The following CCDC146 variants were observed in gnomAD, a reference collection of about 807,000 sequenced individuals.
CCDC146 encodes the protein coiled-coil domain containing 146.
A neutral mutation model predicts 119.3 loss-of-function variants in CCDC146; 92 were observed. The ratio of observed to expected loss-of-function variants is 0.77; its 90% CI spans 0.65 to 0.92. The LOEUF (loss-of-function observed/expected upper bound fraction) is 0.92, where lower values mean the gene tolerates loss of function less well. CCDC146 is among the 40% of genes least tolerant of loss of function. The probability of loss-of-function intolerance (pLI) is 0.00; values close to 1 mark genes in which losing one functional copy is unlikely to be tolerated. For missense variants in CCDC146, 1,000 were observed against 1,103.0 expected, an observed-to-expected ratio of 0.91 and a Z score of 1.32; for synonymous variants, 372 against 371.8, an observed-to-expected ratio of 1.00 and a Z score of -0.01.
intron 3 of CCDC146, among the ~76,000 whole-genome samples, chr7:77,239,281 A>G (rs3108408): frequency 0.56 from 85,624 of 152,092 alleles, 26,592 homozygotes; most frequent in Non-Finnish European, 0.7. Context: ...GAGACCAGAT[A>G]ACTTTAGATT....
chr7:77,280,873 G>T (rs1793750401), intron 14 of CCDC146, among the ~76,000 whole-genome samples: 1 of 152,274 alleles, frequency 6.6e-6, no homozygotes, highest in East Asian at 1.9e-4. Flanking sequence ...AGGCCAAGGT[G>T]GGTGGATCAC....
rs1375642760 is a variant in CCDC146 at position 77,294,973 on chromosome 7, A to G, written c.*107A>G. On this transcript the variant is annotated 3_prime_UTR_variant, in exon 19 of 19. Coordinates refer to ENST00000285871, the MANE Select transcript of CCDC146 (RefSeq NM_020879.3). ...ATACTTCTAATATTATTGATAAGTAAGGTAACCACAATTAGTCAGCAACAG... is the reference window on the plus strand; with the variant it reads ...ATACTTCTAATATTATTGATAAGTAGGGTAACCACAATTAGTCAGCAACAG... The G allele has an allele frequency of 4.6e-6, 4 of 862,390 alleles. No homozygotes were observed. In the East Asian group the frequency reaches 1.1e-4, roughly 23 times the overall value. The allele number at this position is 862,390 out of a possible 1,614,324, so 53.4% of individuals were successfully genotyped here.
chr7:77,199,006 G>C (rs1460614043), intron 2 of CCDC146: 1 of 613,194 alleles, frequency 1.6e-6, no homozygotes, highest in African/African-American at 1.9e-5. Context: ...TTTGTAATTA[G>C]GTCATATTTA....
At chr7:77,206,862 A>G (rs1051273384) in intron 2 of CCDC146, among the ~76,000 whole-genome samples, 2 of 151,998 alleles carry the variant, frequency 1.3e-5, no homozygotes, top group African/African-American at 4.8e-5. Flanking sequence ...TATTCATAAT[A>G]ATAGTGTTGC....
At chr7:77,178,429 T>C (rs1231541321) in intron 2 of CCDC146, among the ~76,000 whole-genome samples, 1 of 152,202 alleles carries the variant, frequency 6.6e-6, no homozygotes, top group East Asian at 1.9e-4. Context: ...ATCTACAATA[T>C]GCCAAACCCA....
intron 2 of CCDC146, among the ~76,000 whole-genome samples, chr7:77,185,041 G>A (rs1030751861): frequency 7.9e-5 from 12 of 151,900 alleles, no homozygotes; most frequent in African/African-American, 2.7e-4. Flanking sequence ...GCTGAAAATG[G>A]ATAATTATCT....
chr7:77,218,865 C>T (rs1198664738), intron 2 of CCDC146, among the ~76,000 whole-genome samples: 1 of 151,998 alleles, frequency 6.6e-6, no homozygotes, highest in Non-Finnish European at 1.5e-5. Context: ...AGCCACCATG[C>T]CTGGCCCCAA....
intron 1 of CCDC146, among the ~76,000 whole-genome samples, chr7:77,129,256 C>T (rs1386293726): frequency 6.6e-6 from 1 of 152,150 alleles, no homozygotes; most frequent in East Asian, 1.9e-4. Flanking sequence ...CCAATTGTCA[C>T]TCAGTAGCTT....
At chr7:77,131,714 T>C (rs1360623309) in intron 1 of CCDC146, among the ~76,000 whole-genome samples, 1 of 152,182 alleles carries the variant, frequency 6.6e-6, no homozygotes, top group African/African-American at 2.4e-5. Context: ...TGAGACTCCG[T>C]CTAAAAGAAA....
Position 77,196,523 on chromosome 7 carries a change from G to A in CCDC146, c.156+28699G>A, listed in dbSNP as rs993060186. On this transcript the variant is annotated intron_variant, in intron 2 of 18. Transcript: ENST00000285871. This position sits in a 1 kb window ranked among gnomAD's most constrained non-coding sequence, Gnocchi z 4.2. ...AGGATATCGATCATTGTCTTTATCTGGAGTGGTGAAAAACTTCAGATCGTG... is the reference window on the plus strand; with the variant it reads ...AGGATATCGATCATTGTCTTTATCTAGAGTGGTGAAAAACTTCAGATCGTG... The A allele has an allele frequency of 2.5e-6, 4 of 1,613,992 alleles. No homozygotes were observed. The highest frequency in any genetic ancestry group is 3.4e-6 in the Non-Finnish European group (4 of 1,179,978).
intron 1 of CCDC146, among the ~76,000 whole-genome samples, chr7:77,159,599 G>A (rs908951654): frequency 1.3e-5 from 2 of 152,160 alleles, no homozygotes; most frequent in African/African-American, 4.8e-5. Context: ...GAACGTGGGA[G>A]TGCCAATATC....
intron 2 of CCDC146, among the ~76,000 whole-genome samples, chr7:77,206,080 C>T (rs1245682569): frequency 6.6e-6 from 1 of 152,120 alleles, no homozygotes; most frequent in African/African-American, 2.4e-5. Flanking sequence ...TACGCATGTC[C>T]ATAGATGATC....
chr7:77,223,045 T>G (rs568714200), intron 2 of CCDC146, among the ~76,000 whole-genome samples: 1 of 152,318 alleles, frequency 6.6e-6, no homozygotes, highest in Admixed American at 6.5e-5. Flanking sequence ...GCTCTTACCA[T>G]TGGTTCAGTC....
chr7:77,138,597 A>C (rs897674946), intron 1 of CCDC146, among the ~76,000 whole-genome samples: 3 of 152,238 alleles, frequency 2.0e-5, no homozygotes, highest in African/African-American at 7.2e-5. Flanking sequence ...GAGAAAACCC[A>C]CAGGCTGGGA....
At position 77,208,894 on chromosome 7, in the gene CCDC146, C is replaced by T. The variant is rs373362846; in HGVS notation, c.157-28053C>T. Among the ~76,000 whole-genome samples the T allele has an allele frequency of 7.1e-4, 108 of 152,268 alleles. 2 individuals carry two copies. In the South Asian group the frequency reaches 0.021, roughly 29 times the overall value. ...AGCTAATCTTTTTAAGAGATGGGGT[C>T]TCATTATGTTGCCCAGGCTAGTCTA... is the stretch of plus-strand genomic sequence containing the variant. On this transcript the variant is annotated intron_variant, in intron 2 of 18. Coordinates refer to ENST00000285871, the MANE Select transcript of CCDC146 (RefSeq NM_020879.3).
intron 2 of CCDC146, among the ~76,000 whole-genome samples, chr7:77,191,652 T>C (rs1442042760): frequency 6.6e-6 from 1 of 152,152 alleles, no homozygotes; most frequent in East Asian, 1.9e-4. Flanking sequence ...CTCACGCCTG[T>C]AATCCCAGCA....
At chr7:77,203,290 C>T (rs1792027871) in intron 2 of CCDC146, among the ~76,000 whole-genome samples, 1 of 152,022 alleles carries the variant, frequency 6.6e-6, no homozygotes, top group Non-Finnish European at 1.5e-5. Flanking sequence ...TAAATGATAG[C>T]ATGCTAATGA....
chr7:77,249,741 G>A (rs1403504139), intron 4 of CCDC146, among the ~76,000 whole-genome samples: 1 of 151,862 alleles, frequency 6.6e-6, no homozygotes, highest in Non-Finnish European at 1.5e-5. Flanking sequence ...TTTGAGTCTT[G>A]TTTTTGTTTG....
At position 77,259,937 on chromosome 7, in the gene CCDC146, CAAGTGTGTGTGTGT is replaced by C. The variant is rs1490393651; in HGVS notation, c.759-71_759-58del. The C allele has an allele frequency of 8.9e-6, 8 of 901,346 alleles. No individual in the cohort carries two copies. In the South Asian group the frequency reaches 1.0e-4, roughly 11 times the overall value. The allele number at this position is 901,346 out of a possible 1,614,324, so 55.8% of individuals were successfully genotyped here. On this transcript the variant is annotated intron_variant, in intron 7 of 18. Coordinates refer to ENST00000285871, the MANE Select transcript of CCDC146 (RefSeq NM_020879.3). ...AAGCCAGCATGGCCTCAAAATAAGG[CAAGTGTGTGTGTGT>C]GTGTGTGTGTGTGTGTGTGTGTGTG...
Sources: gnomAD v4.1 joint callset for allele counts (sites outside exome capture counted in the v4.1 genomes callset) on GRCh38, gnomAD v4.1.1 for gene constraint, Gnocchi (gnomAD v3.1) non-coding constraint, MANE v1.5 for transcripts, NCBI Gene and HGNC (gene_info 2026-07-23, HGNC 2026-07-21) for gene names.